Variants in ST6GALNAC3 observed in about 807,000 individuals in gnomAD.
ST6GALNAC3 encodes ST6 N-acetylgalactosaminide alpha-2,6-sialyltransferase 3, also known as alpha-N-acetylgalactosaminide alpha-2,6-sialyltransferase 3.
In ST6GALNAC3, 25 loss-of-function variants were observed where a neutral mutation model predicts 32.7. That is an observed-to-expected ratio of 0.76 (90% CI 0.56 to 1.07). The LOEUF is 1.07. ST6GALNAC3 is among the 50% of genes least tolerant of loss of function. ST6GALNAC3 has a pLI of 0.00. For missense variants in ST6GALNAC3, 355 were observed against 382.4 expected (o/e 0.93, Z 0.60); for synonymous variants, 129 against 133.1 (o/e 0.97, Z 0.21).
chr1:76,437,042 A>G, intron 3 of ST6GALNAC3, among the ~76,000 whole-genome samples: 1 of 152,104 alleles, frequency 6.6e-6, no homozygotes, highest in Non-Finnish European at 1.5e-5. Flanking sequence ...CAGCTGACCT[A>G]CTTGTTTAAG....
At chr1:76,520,840 A>G (rs1662483444) in intron 3 of ST6GALNAC3, among the ~76,000 whole-genome samples, 1 of 152,080 alleles carries the variant, frequency 6.6e-6, no homozygotes. Flanking sequence ...GTACCACTCT[A>G]CTGTTGTACA....
chr1:76,624,675 T>A (rs1396231489), intron 3 of ST6GALNAC3, among the ~76,000 whole-genome samples: 1 of 151,878 alleles, frequency 6.6e-6, no homozygotes, highest in Non-Finnish European at 1.5e-5. Flanking sequence ...ACCTTTACCC[T>A]TAGCACTATG....
At chr1:76,308,516 G>A (rs3884182) in intron 1 of ST6GALNAC3, among the ~76,000 whole-genome samples, 39,184 of 152,000 alleles carry the variant, frequency 0.26, 5,466 homozygotes, top group East Asian at 0.57. Flanking sequence ...AGGATGTTCT[G>A]ACTACTTCAA....
intron 2 of ST6GALNAC3, among the ~76,000 whole-genome samples, chr1:76,347,919 T>A (rs1648653745): frequency 6.6e-6 from 1 of 152,188 alleles, no homozygotes; most frequent in Non-Finnish European, 1.5e-5. Context: ...TAATAAGTAT[T>A]GGTTATTATG....
At chr1:76,285,385 G>GGTGTGTGTGTGTGTGTGTGTGTGT (rs140357874) in intron 1 of ST6GALNAC3, among the ~76,000 whole-genome samples, 8 of 148,474 alleles carry the variant, frequency 5.4e-5, no homozygotes, top group East Asian at 2.0e-4. Flanking sequence ...TCGGGAGGAT[G>GGTGTGTGTGTGTGTGTGTGTGTGT]GTGTGTGTGT....
chr1:76,161,220 G>A (rs1216433581), intron 1 of ST6GALNAC3, among the ~76,000 whole-genome samples: 3 of 152,176 alleles, frequency 2.0e-5, no homozygotes, highest in Admixed American at 2.0e-4. Context: ...GAGAGGCAAT[G>A]AAATCAATGA....
intron 1 of ST6GALNAC3, among the ~76,000 whole-genome samples, chr1:76,145,911 T>G (rs943144227): frequency 6.6e-6 from 1 of 152,216 alleles, no homozygotes; most frequent in African/African-American, 2.4e-5. Context: ...ATTTAAAAAT[T>G]TGCTCTCTGA....
chr1:76,189,021 A>G (rs1364550889), intron 1 of ST6GALNAC3, among the ~76,000 whole-genome samples: 2 of 152,246 alleles, frequency 1.3e-5, no homozygotes, highest in East Asian at 3.9e-4. Flanking sequence ...AGACCCCTGC[A>G]TAGGCATTTG....
chr1:76,293,602 G>T (rs1660219521), intron 1 of ST6GALNAC3, among the ~76,000 whole-genome samples: 1 of 152,104 alleles, frequency 6.6e-6, no homozygotes, highest in African/African-American at 2.4e-5. Context: ...TATCATAGCT[G>T]CCAGTCTTTA....
intron 1 of ST6GALNAC3, among the ~76,000 whole-genome samples, chr1:76,240,835 C>T (rs1656919045): frequency 1.3e-5 from 2 of 152,132 alleles, no homozygotes; most frequent in South Asian, 4.1e-4. Context: ...ACCTTAATAC[C>T]CATTTTTATC....
chr1:76,437,955 A>G (rs1571226976), intron 3 of ST6GALNAC3, among the ~76,000 whole-genome samples: 1 of 151,710 alleles, frequency 6.6e-6, no homozygotes, highest in African/African-American at 2.4e-5. Flanking sequence ...CATTTTCTCA[A>G]TTTCTTAAGG....
chr1:76,454,969 T>A (rs903740217), intron 3 of ST6GALNAC3, among the ~76,000 whole-genome samples: 10 of 152,104 alleles, frequency 6.6e-5, no homozygotes, highest in Non-Finnish European at 1.2e-4. Flanking sequence ...CTGTTAGTTT[T>A]GTATTACATA....
chr1:76,398,196 C>T (rs1653131249), intron 2 of ST6GALNAC3, among the ~76,000 whole-genome samples: 1 of 152,064 alleles, frequency 6.6e-6, no homozygotes, highest in Admixed American at 6.5e-5. Flanking sequence ...TTTCCTTGAA[C>T]TCTGAATTAA....
intron 3 of ST6GALNAC3, among the ~76,000 whole-genome samples, chr1:76,453,662 T>C (rs77525970): frequency 6.6e-6 from 1 of 152,182 alleles, no homozygotes; most frequent in South Asian, 2.1e-4. Context: ...AATTTCAATT[T>C]TCTTAAATTT....
At chr1:76,398,274 A>G (rs1191527564) in intron 2 of ST6GALNAC3, among the ~76,000 whole-genome samples, 1 of 152,178 alleles carries the variant, frequency 6.6e-6, no homozygotes. Flanking sequence ...TGCATTGACA[A>G]TCTCCTAGAG....
chr1:76,166,542 CA>C (rs1557667072), intron 1 of ST6GALNAC3, among the ~76,000 whole-genome samples: 1 of 152,126 alleles, frequency 6.6e-6, no homozygotes, highest in African/African-American at 2.4e-5. Context: ...TGAAGAATGT[CA>C]ATGCTAGTTT....
At position 76,544,088 on chromosome 1, in the gene ST6GALNAC3, T is replaced by C. The variant is rs930371435; in HGVS notation, c.624-83364T>C. Among the ~76,000 whole-genome samples, 84 of 150,100 alleles carry C rather than the reference T, an allele frequency of 5.6e-4. 1 individual carries two copies. The highest frequency in any genetic ancestry group is 2.0e-3 in the African/African-American group (81 of 41,148). ...CATTAATTAATTACATTTATATATA[T>C]ATATATATATATGAAATTTAAATTG... On this transcript the variant is annotated intron_variant, in intron 3 of 4. Transcript: ENST00000328299.
chr1:76,510,016 T>C (rs1039077598), intron 3 of ST6GALNAC3, among the ~76,000 whole-genome samples: 1 of 152,214 alleles, frequency 6.6e-6, no homozygotes, highest in Non-Finnish European at 1.5e-5. Context: ...TTCTCAGTCC[T>C]TTAAGTATCA....
At position 76,628,823 on chromosome 1, in the gene ST6GALNAC3, C is replaced by G. The variant is rs1271139719; in HGVS notation, c.*17C>G. On this transcript the variant is annotated 3_prime_UTR_variant, in exon 5 of 5. Transcript: ENST00000328299. The stretch of plus-strand genomic sequence containing the variant: ...TTGTCTTGATAATGGTTTTCCTGAT[C>G]TTGCCGCATCACTTAATGTGATCCC... 9.9e-6 allele frequency: 16 copies of G among 1,608,464 alleles called. No individual in the cohort carries two copies. The highest frequency in any genetic ancestry group is 1.3e-5 in the Non-Finnish European group (15 of 1,177,612).
Sources: allele counts gnomAD v4.1 joint callset (sites outside exome capture counted in the v4.1 genomes callset), GRCh38; gene constraint gnomAD v4.1.1; transcripts MANE v1.5; gene names NCBI Gene and HGNC (gene_info 2026-07-23, HGNC 2026-07-21).